Variants in MAST4 observed in about 807,000 individuals in gnomAD.
MAST4 encodes microtubule-associated serine/threonine-protein kinase 4.
MAST4 carries 89 observed loss-of-function variants against 162.7 expected under a neutral mutation model. The ratio of observed to expected loss-of-function variants is 0.55; its 90% CI spans 0.46 to 0.65. The LOEUF (loss-of-function observed/expected upper bound fraction) is 0.65. Among genes scored for constraint, MAST4 ranks in the 30% least tolerant of loss-of-function variants. The pLI is 0.00. For synonymous variants in MAST4, 1,479 were observed against 1,361.1 expected, an observed-to-expected ratio of 1.09 and a Z score of -1.91; for missense variants, 3,153 against 3,374.0, an observed-to-expected ratio of 0.93 and a Z score of 1.62.
chr5:66,939,124 C>T (rs552362150), intron 4 of MAST4, among the ~76,000 whole-genome samples: 1 of 151,874 alleles, frequency 6.6e-6, no homozygotes, highest in African/African-American at 2.4e-5. Flanking sequence ...AATCAGTTAA[C>T]AAAATAGGTA....
intron 3 of MAST4, among the ~76,000 whole-genome samples, chr5:66,891,981 G>A (rs561233113): frequency 7.9e-5 from 12 of 152,314 alleles, no homozygotes; most frequent in Admixed American, 4.6e-4. Flanking sequence ...ACCTATTCTT[G>A]TGGCTGCCAT....
intron 3 of MAST4, among the ~76,000 whole-genome samples, chr5:66,861,352 T>C (rs949359704): frequency 1.3e-5 from 2 of 152,254 alleles, no homozygotes; most frequent in Non-Finnish European, 2.9e-5. Context: ...GTGCCACTAA[T>C]AACCAACATT....
chr5:67,087,507 A>G (rs779797263), intron 5 of MAST4, among the ~76,000 whole-genome samples: 1 of 152,160 alleles, frequency 6.6e-6, no homozygotes, highest in Non-Finnish European at 1.5e-5. Flanking sequence ...TCAGTCAGAG[A>G]AACTGTCTCG....
At chr5:66,711,819 A>G (rs1365769442) in intron 1 of MAST4, among the ~76,000 whole-genome samples, 1 of 152,150 alleles carries the variant, frequency 6.6e-6, no homozygotes, top group Non-Finnish European at 1.5e-5. Context: ...TGGGTTACAG[A>G]GTGAGACTCT....
At chr5:66,609,426 G>T (rs1010119904) in intron 1 of MAST4, among the ~76,000 whole-genome samples, 9 of 134,032 alleles carry the variant, frequency 6.7e-5, no homozygotes, top group Admixed American at 5.6e-4. Flanking sequence ...GCCTGGCTCT[G>T]TTTCCCAGAC....
intron 4 of MAST4, among the ~76,000 whole-genome samples, chr5:66,921,158 A>T (rs980818919): frequency 1.3e-5 from 2 of 148,448 alleles, no homozygotes; most frequent in Non-Finnish European, 3.0e-5. Context: ...ACATTGGGTT[A>T]AAAAAATCAT....
chr5:66,992,448 T>C (rs1750165571), intron 4 of MAST4, among the ~76,000 whole-genome samples: 1 of 150,726 alleles, frequency 6.6e-6, no homozygotes, highest in Admixed American at 6.6e-5. Flanking sequence ...GGTAGCATCA[T>C]CTACTAAACT....
At chr5:66,887,584 T>G (rs961982564) in intron 3 of MAST4, among the ~76,000 whole-genome samples, 22 of 152,346 alleles carry the variant, frequency 1.4e-4, no homozygotes, top group African/African-American at 4.6e-4. Context: ...TTGTCTTTGC[T>G]TGTCTGTTTT....
At chr5:66,884,522 C>T (rs976685915) in intron 3 of MAST4, among the ~76,000 whole-genome samples, 3 of 152,230 alleles carry the variant, frequency 2.0e-5, no homozygotes, top group South Asian at 2.1e-4. Flanking sequence ...GAGAAGGACC[C>T]GGGAAGCTTG....
At chr5:66,763,512 A>G (rs1363795478) in intron 2 of MAST4, among the ~76,000 whole-genome samples, 1 of 152,202 alleles carries the variant, frequency 6.6e-6, no homozygotes, top group African/African-American at 2.4e-5. Context: ...AAAATTTCAT[A>G]TTATCTAAAT....
chr5:66,959,434 A>G (rs1745730842), intron 4 of MAST4: 4 of 688,630 alleles, frequency 5.8e-6, no homozygotes, highest in Non-Finnish European at 1.1e-5. Context: ...TCTTAAATGC[A>G]TGGCATTTGG....
At chr5:66,698,969 CTGTT>C (rs1174672916) in intron 1 of MAST4, among the ~76,000 whole-genome samples, 1 of 152,224 alleles carries the variant, frequency 6.6e-6, no homozygotes, top group Non-Finnish European at 1.5e-5. Context: ...AGTCCAATCT[CTGTT>C]TGTCAGCTTT....
chr5:67,098,322 T>C (rs1179608225), intron 7 of MAST4, among the ~76,000 whole-genome samples: 2 of 152,166 alleles, frequency 1.3e-5, no homozygotes, highest in Non-Finnish European at 2.9e-5. Flanking sequence ...GAATATTCAG[T>C]ATTGTGGTTT....
At chr5:67,143,987 A>G (rs1467342702) in intron 21 of MAST4, among the ~76,000 whole-genome samples, 1 of 151,376 alleles carries the variant, frequency 6.6e-6, no homozygotes, top group Non-Finnish European at 1.5e-5. Context: ...AGGCTCTTAG[A>G]CCCCCATTTT....
At chr5:66,851,568 G>C (rs1198528257) in intron 3 of MAST4, among the ~76,000 whole-genome samples, 1 of 152,194 alleles carries the variant, frequency 6.6e-6, no homozygotes, top group East Asian at 1.9e-4. Context: ...GCAGCTTGCT[G>C]TCCCTTTTAT....
At chr5:66,751,044 C>A (rs190484801) in intron 1 of MAST4, among the ~76,000 whole-genome samples, 4 of 152,148 alleles carry the variant, frequency 2.6e-5, no homozygotes, top group Middle Eastern at 3.4e-3. Flanking sequence ...ACACTGACAT[C>A]TCACACGGCA....
chr5:66,665,221 T>A (rs1580141172), intron 1 of MAST4, among the ~76,000 whole-genome samples: 1 of 137,284 alleles, frequency 7.3e-6, no homozygotes. Flanking sequence ...TCTTTGATTG[T>A]TTGTTTCTTT....
rs186941255 is a variant in MAST4, at chr5:67,096,447, C to T, written c.912+772C>T. ...TCAATATATGGAGTGATCTGGCTCT[C>T]TTTGCACCAGCAAGGAATGTGGACC... On this transcript the variant is annotated intron_variant, in intron 7 of 28. Coordinates refer to ENST00000403625, the MANE Select transcript of MAST4 (RefSeq NM_001164664.2). 7.2e-5 allele frequency among the ~76,000 whole-genome samples: 11 copies of T among 152,274 alleles called. No individual in the cohort carries two copies. In the East Asian group the frequency reaches 2.1e-3, roughly 29 times the overall value.
chr5:66,644,929 A>G (rs1418673638), intron 1 of MAST4, among the ~76,000 whole-genome samples: 1 of 151,808 alleles, frequency 6.6e-6, no homozygotes, highest in Non-Finnish European at 1.5e-5. Context: ...GTGTCAGAGT[A>G]TTAGAACTAA....
Sources: allele counts gnomAD v4.1 joint callset (sites outside exome capture counted in the v4.1 genomes callset), GRCh38; gene constraint gnomAD v4.1.1; transcripts MANE v1.5; gene names NCBI Gene and HGNC (gene_info 2026-07-23, HGNC 2026-07-21).